The following TJP1 variants were observed in gnomAD, a reference collection of about 807,000 sequenced individuals.
TJP1 encodes tight junction protein 1.
In TJP1, 43 loss-of-function variants were observed where a neutral mutation model predicts 194.2. That is an observed-to-expected ratio of 0.22 (90% CI 0.17 to 0.29). The LOEUF is 0.29. Ranked by LOEUF, TJP1 falls within the 10% of genes least tolerant of loss-of-function variation. TJP1 has a pLI of 1.00. For synonymous variants in TJP1, 801 were observed against 779.0 expected (o/e 1.03, Z -0.47); for missense variants, 1,971 against 2,185.7 (o/e 0.90, Z 1.96).
chr15:29,833,007 C>A (rs1032867284), intron 2 of TJP1, among the ~76,000 whole-genome samples: 1 of 152,196 alleles, frequency 6.6e-6, no homozygotes, highest in Non-Finnish European at 1.5e-5. Context: ...GGCACACTTT[C>A]CTGCAAAGCA....
At chr15:29,966,512 A>C (rs2056338067) in intron 1 of TJP1, among the ~76,000 whole-genome samples, 2 of 152,032 alleles carry the variant, frequency 1.3e-5, no homozygotes, top group Admixed American at 1.3e-4. Flanking sequence ...AAATAAATAA[A>C]TAAATAAATA....
chr15:29,825,502 T>C (rs2050648566), upstream of TJP1, among the ~76,000 whole-genome samples: 1 of 152,214 alleles, frequency 6.6e-6, no homozygotes, highest in Non-Finnish European at 1.5e-5. Context: ...AAAAGCATTA[T>C]GTGTGCAAAA....
chr15:29,921,688 T>C (rs766534006), intron 2 of TJP1, among the ~76,000 whole-genome samples: 1 of 152,220 alleles, frequency 6.6e-6, no homozygotes, highest in African/African-American at 2.4e-5. Context: ...TGATGGATCA[T>C]ATTTTTCAAC....
chr15:29,911,553 C>T (rs1018099781), intron 2 of TJP1, among the ~76,000 whole-genome samples: 4 of 152,074 alleles, frequency 2.6e-5, no homozygotes, highest in African/African-American at 9.7e-5. Context: ...GAAGCATGCA[C>T]ATCTTCACAT....
rs995277622 is a variant in TJP1, at chr15:29,908,925, C to T, written c.306+47307G>A. Reference sequence around the variant, plus strand: ...GTCCCAGCACTTTGGGAGGCCAAGGCGGGCGGATCACGAGATCAGGAGATC... The same window carrying T: ...GTCCCAGCACTTTGGGAGGCCAAGGTGGGCGGATCACGAGATCAGGAGATC... On this transcript the variant is annotated intron_variant, in intron 2 of 28. Coordinates refer to the TJP1 transcript ENST00000356107. 1.8e-4 allele frequency among the ~76,000 whole-genome samples: 27 copies of T among 151,960 alleles called. 1 individual carries two copies. Among genetic ancestry groups the T allele is most frequent in the African/African-American group, 4.8e-4 (20 of 41,374 alleles).
chr15:29,864,255 A>T lies in TJP1; in HGVS notation c.307-63553T>A, dbSNP rs1267059551. On this transcript the variant is annotated intron_variant, in intron 2 of 28. Transcript: ENST00000356107. ...AAAAATACAAAAAAAAAAAAAAAAAAAAAAAAAAAGCTGGGTGTGGTGGTG... is the reference window on the plus strand; with the variant it reads ...AAAAATACAAAAAAAAAAAAAAAAATAAAAAAAAAGCTGGGTGTGGTGGTG... Among the ~76,000 whole-genome samples the T allele has an allele frequency of 1.3e-5, 2 of 148,500 alleles. 1 individual carries two copies. The highest frequency in any genetic ancestry group is 5.0e-5 in the African/African-American group (2 of 40,396).
At chr15:29,929,164 C>T (rs2054620912) in intron 2 of TJP1, among the ~76,000 whole-genome samples, 1 of 149,728 alleles carries the variant, frequency 6.7e-6, no homozygotes, top group Admixed American at 6.7e-5. Flanking sequence ...TTATTTAAAC[C>T]CAATAAAATC....
chr15:29,726,815 A>C lies in TJP1; in HGVS notation c.2277T>G (p.His759Gln). ...GATGGTGATTATTTTTACGAAGTTT[A>C]TGAGATCGCTCGTATAACTTCCTGG... ...KSARKLYERS[H>Q]KLRKNNHHLF... The change falls in exon 17 of 28, where the codon CAT becomes CAG. Residue 759 changes from histidine (H) to glutamine (Q), a missense_variant. Around this residue, in one of 5 missense-constraint regions of TJP1, gnomAD observed 402 missense variants for 484.2 expected, o/e 0.83. Coordinates refer to ENST00000614355, the MANE Select transcript of TJP1 (RefSeq NM_001330239.4). 1.9e-6 allele frequency: 3 copies of C among 1,614,118 alleles called. No individual in the cohort carries two copies. The highest frequency in any genetic ancestry group is 2.5e-6 in the Non-Finnish European group (3 of 1,180,018).
chr15:29,926,227 A>G (rs570496257), intron 2 of TJP1, among the ~76,000 whole-genome samples: 1 of 152,254 alleles, frequency 6.6e-6, no homozygotes, highest in Non-Finnish European at 1.5e-5. Context: ...ATATTTTTTT[A>G]AAAGAGCTTT....
intron 2 of TJP1, among the ~76,000 whole-genome samples, chr15:29,831,961 T>C (rs1470780433): frequency 1.3e-5 from 2 of 152,190 alleles, no homozygotes; most frequent in African/African-American, 4.8e-5. Flanking sequence ...TTGGTGTACA[T>C]TTGACAGTTC....
intron 2 of TJP1, among the ~76,000 whole-genome samples, chr15:29,854,427 A>G (rs949047849): frequency 6.6e-6 from 1 of 152,160 alleles, no homozygotes; most frequent in African/African-American, 2.4e-5. Context: ...AAATGTCCTT[A>G]TAAGAGGGAG....
intron 2 of TJP1, among the ~76,000 whole-genome samples, chr15:29,839,711 G>A (rs2152063986): frequency 6.6e-6 from 1 of 152,282 alleles, no homozygotes; most frequent in East Asian, 1.9e-4. Flanking sequence ...GAACATTCCT[G>A]TACAAATCCC....
chr15:29,767,745 C>G (rs2046412696), intron 4 of TJP1, among the ~76,000 whole-genome samples: 1 of 152,080 alleles, frequency 6.6e-6, no homozygotes, highest in African/African-American at 2.4e-5. Context: ...TTTTACTCCC[C>G]CTCCCCTCCT....
chr15:29,932,580 C>G (rs1202144647), intron 2 of TJP1, among the ~76,000 whole-genome samples: 1 of 151,562 alleles, frequency 6.6e-6, no homozygotes, highest in African/African-American at 2.4e-5. Context: ...TTTTTTAAAA[C>G]AAGACATTAA....
In TJP1 at chr15:29,869,795, C is replaced by CTT. The variant is rs11318770; in HGVS notation, c.307-69095_307-69094dup. Among the ~76,000 whole-genome samples, 152 of 56,044 alleles carry CTT rather than the reference C, an allele frequency of 2.7e-3. 2 individuals are homozygous for CTT. Among genetic ancestry groups the CTT allele is most frequent in the African/African-American group, 5.0e-3 (75 of 14,910 alleles). 36.8% of individuals were successfully genotyped at this position (56,044 alleles called of 152,430 possible). A position where few individuals can be genotyped will look rare whatever the true frequency, so the allele number is the denominator to read the frequency against. On this transcript the variant is annotated intron_variant, in intron 2 of 28. Coordinates refer to the TJP1 transcript ENST00000356107. ...TTCCCCTGTCTTTCTTTCTTTCTTT[C>CTT]TTTTTTTTTTTTTTTTTTTTTTTTT...
At chr15:29,793,961 T>C (rs1350054438) in intron 2 of TJP1, among the ~76,000 whole-genome samples, 2 of 152,214 alleles carry the variant, frequency 1.3e-5, no homozygotes, top group Non-Finnish European at 1.5e-5. Context: ...TGTTGCGTCT[T>C]TGTCTGGTTT....
intron 2 of TJP1, among the ~76,000 whole-genome samples, chr15:29,912,448 G>A (rs4780269): frequency 2.0e-4 from 31 of 152,210 alleles, no homozygotes; most frequent in East Asian, 1.9e-3. Context: ...GGTGGCTCAC[G>A]CCTGTAATCC....
intron 2 of TJP1, among the ~76,000 whole-genome samples, chr15:29,789,190 C>T (rs1482847239): frequency 6.6e-6 from 1 of 152,042 alleles, no homozygotes; most frequent in Non-Finnish European, 1.5e-5. Context: ...TATTATACTG[C>T]TACTGGGCGG....
intron 2 of TJP1, among the ~76,000 whole-genome samples, chr15:29,898,773 G>A (rs939238858): frequency 3.3e-5 from 5 of 152,098 alleles, no homozygotes; most frequent in Non-Finnish European, 5.9e-5. Context: ...TCAAAAATCT[G>A]AAAAATATCT....
Sources: gnomAD v4.1 joint callset for allele counts (sites outside exome capture counted in the v4.1 genomes callset) on GRCh38, gnomAD v4.1.1 for gene constraint, gnomAD v4.1.1 regional missense constraint, MANE v1.5 for transcripts, NCBI Gene and HGNC (gene_info 2026-07-23, HGNC 2026-07-21) for gene names.